RHOA: variants seen among roughly 807,000 people sequenced by gnomAD.
The protein encoded by RHOA is transforming protein RhoA.
A neutral mutation model predicts 17.5 loss-of-function variants in RHOA; 3 were observed. The ratio of observed to expected loss-of-function variants is 0.17; its 90% CI spans 0.08 to 0.44. RHOA has a LOEUF of 0.44. RHOA is among the 20% of genes least tolerant of loss of function. The pLI is 0.99. For missense variants in RHOA, 56 were observed against 242.3 expected (o/e 0.23, Z 5.10); for synonymous variants, 98 against 88.4 (o/e 1.11, Z -0.61).
chr3:49,368,370 A>C, intron 3 of RHOA, 58 bp downstream of exon 3: 1 of 1,583,586 alleles, frequency 6.3e-7, no homozygotes, highest in Non-Finnish European at 8.6e-7. Context: ...ATGCCCAGAA[A>C]CCAGATGCCA....
chr3:49,405,424 TC>T (rs2048816686), intron 1 of RHOA, among the ~76,000 whole-genome samples: 1 of 151,846 alleles, frequency 6.6e-6, no homozygotes, highest in Admixed American at 6.6e-5. Context: ...AGAGCAAAAC[TC>T]CATCTCAAAA....
Position 49,359,994 on chromosome 3 carries a change from G to C in RHOA, c.*215C>G, listed in dbSNP as rs2047934746. ...GTGTCAGGTGGGAGTGCAGAGGAGG[G>C]CTGTTAGAGCAGTGTCAAAAGGACC... On this transcript the variant is annotated 3_prime_UTR_variant, in exon 5 of 5. Coordinates refer to ENST00000418115, the MANE Select transcript of RHOA (RefSeq NM_001664.4). 2 of 481,558 alleles carry C rather than the reference G, an allele frequency of 4.2e-6. No individual in the cohort carries two copies. Among genetic ancestry groups the C allele is most frequent in the Non-Finnish European group, 7.3e-6 (2 of 274,980 alleles). The allele number at this position is 481,558 out of a possible 1,614,324, so 29.8% of individuals were successfully genotyped here.
rs2107900666 is a variant in RHOA, at chr3:49,401,153, T to C, written c.-3+10667A>G. On this transcript the variant is annotated intron_variant, in intron 1 of 4. Coordinates refer to ENST00000418115, the MANE Select transcript of RHOA (RefSeq NM_001664.4). ...GGCCTTCAAATTTACTTCCTCTAAG[T>C]TACTACCCTTCTTTTCTGAATTGAC... 2.0e-5 allele frequency among the ~76,000 whole-genome samples: 3 copies of C among 152,108 alleles called. No individual in the cohort carries two copies. The South Asian group carries it at 6.2e-4, about 32-fold the overall frequency.
At chr3:49,381,333 A>G (rs1044865977) in intron 1 of RHOA, among the ~76,000 whole-genome samples, 1 of 151,592 alleles carries the variant, frequency 6.6e-6, no homozygotes, top group African/African-American at 2.4e-5. Context: ...TGAACTCAGG[A>G]GGCAGAGGCT....
At chr3:49,372,101 T>C (rs139505677) in intron 2 of RHOA, among the ~76,000 whole-genome samples, 28 of 152,354 alleles carry the variant, frequency 1.8e-4, no homozygotes, top group African/African-American at 5.8e-4. Flanking sequence ...GATCTTTCTA[T>C]GTATGGTGCA....
Position 49,360,046 on chromosome 3 carries a change from G to GTTTA in RHOA, c.*162_*163insTAAA. On this transcript the variant is annotated 3_prime_UTR_variant, in exon 5 of 5. Coordinates refer to ENST00000418115, the MANE Select transcript of RHOA (RefSeq NM_001664.4). ...TGGTGGGCCAGACGGGTTGGACATC[G>GTTTA]TTAATAATCATAGTTGGCTTCTAAA... 2.5e-6 allele frequency: 2 copies of GTTTA among 813,210 alleles called. No individual in the cohort carries two copies. The highest frequency in any genetic ancestry group is 3.7e-6 in the Non-Finnish European group (2 of 543,180). 50.4% of individuals were successfully genotyped at this position (813,210 alleles called of 1,614,324 possible).
chr3:49,373,822 G>C (rs897122595), intron 2 of RHOA, among the ~76,000 whole-genome samples: 4 of 149,992 alleles, frequency 2.7e-5, no homozygotes, highest in African/African-American at 9.8e-5. Context: ...AAAAAAAAAA[G>C]TATGAGAGGC....
intron 1 of RHOA, among the ~76,000 whole-genome samples, chr3:49,398,239 T>C (rs2048652340): frequency 6.6e-6 from 1 of 151,878 alleles, no homozygotes; most frequent in African/African-American, 2.4e-5. Flanking sequence ...TGGTCCCATC[T>C]ACTCAGGAGG....
At chr3:49,383,077 G>GCT in intron 1 of RHOA, among the ~76,000 whole-genome samples, 1 of 150,890 alleles carries the variant, frequency 6.6e-6, no homozygotes, top group Admixed American at 6.6e-5. Context: ...AAAAGAAAAA[G>GCT]AAAAAGAAAA....
intron 1 of RHOA, among the ~76,000 whole-genome samples, chr3:49,397,428 C>T (rs2048635545): frequency 6.6e-6 from 1 of 151,962 alleles, no homozygotes; most frequent in Admixed American, 6.6e-5. Flanking sequence ...ATACTAAAAC[C>T]CACCAAACTG....
At chr3:49,376,727 G>A (rs945747667) in intron 1 of RHOA, among the ~76,000 whole-genome samples, 1 of 152,030 alleles carries the variant, frequency 6.6e-6, no homozygotes, top group Non-Finnish European at 1.5e-5. Context: ...AGTACCCAAG[G>A]GAGGAAAGAA....
chr3:49,399,938 C>T lies in RHOA; in HGVS notation c.-3+11882G>A, dbSNP rs112132803. ...ATCTGAACTCAAGAAACTACAGAAA[C>T]GGCTGGGCACGGTGGCTCACGCCTG... On this transcript the variant is annotated intron_variant, in intron 1 of 4. Coordinates refer to ENST00000418115, the MANE Select transcript of RHOA (RefSeq NM_001664.4). 6.9e-4 allele frequency among the ~76,000 whole-genome samples: 105 copies of T among 151,952 alleles called. 1 individual carries two copies. The highest frequency in any genetic ancestry group is 2.4e-3 in the African/African-American group (100 of 41,456).
chr3:49,368,136 T>A (rs1018838535), intron 3 of RHOA, among the ~76,000 whole-genome samples: 2 of 152,002 alleles, frequency 1.3e-5, no homozygotes, highest in African/African-American at 4.8e-5. Context: ...GGTCTTGAAC[T>A]CCTGACCCTC....
At chr3:49,368,831 C>G (rs556241225) in intron 2 of RHOA, among the ~76,000 whole-genome samples, 1 of 150,972 alleles carries the variant, frequency 6.6e-6, no homozygotes, top group Admixed American at 6.6e-5. Flanking sequence ...CCTTGGCCTC[C>G]CAAGTAGCTG....
At chr3:49,366,863 A>G (rs2048064807) in intron 3 of RHOA, 1 of 152,116 alleles carries the variant, frequency 6.6e-6, no homozygotes, top group African/African-American at 2.4e-5. Context: ...GCAGACCCTC[A>G]AAGGCTGTTT....
At chr3:49,390,105 A>C (rs1281196978) in intron 1 of RHOA, among the ~76,000 whole-genome samples, 1 of 151,926 alleles carries the variant, frequency 6.6e-6, no homozygotes, top group Non-Finnish European at 1.5e-5. Context: ...GACTGTGAGA[A>C]GCAAATAGCT....
intron 1 of RHOA, among the ~76,000 whole-genome samples, chr3:49,389,581 C>T (rs1435950417): frequency 6.6e-6 from 1 of 152,192 alleles, no homozygotes; most frequent in Non-Finnish European, 1.5e-5. Context: ...TTACTTCTTA[C>T]AGCAGTGAAC....
At position 49,376,937 on chromosome 3, in the gene RHOA, T is replaced by G. The variant is rs567805590; in HGVS notation, c.-2-1346A>C. 4.6e-5 allele frequency among the ~76,000 whole-genome samples: 7 copies of G among 151,892 alleles called. No homozygotes were observed. In the South Asian group the frequency reaches 1.5e-3, roughly 32 times the overall value. On this transcript the variant is annotated intron_variant, in intron 1 of 4. Coordinates refer to ENST00000418115, the MANE Select transcript of RHOA (RefSeq NM_001664.4). ...TGAGGTCAGGAGTTTGAGACCAGCC[T>G]GGCCAACATGGAGAAACCCCATCTC...
At position 49,380,481 on chromosome 3, in the gene RHOA, G is replaced by A. The variant is rs537572966; in HGVS notation, c.-2-4890C>T. ...CCAGCACACTGGGAGGCCGAGGCGG[G>A]CAGATCACGAGGTCAGGAGTTTGAG... On this transcript the variant is annotated intron_variant, in intron 1 of 4. Coordinates refer to ENST00000418115, the MANE Select transcript of RHOA (RefSeq NM_001664.4). Among the ~76,000 whole-genome samples the A allele has an allele frequency of 2.6e-5, 4 of 152,036 alleles. No homozygotes were observed. In the South Asian group the frequency reaches 8.3e-4, roughly 32 times the overall value.
Sources: gnomAD v4.1 joint callset for allele counts (sites outside exome capture counted in the v4.1 genomes callset) on GRCh38, gnomAD v4.1.1 for gene constraint, MANE v1.5 for transcripts, NCBI Gene and HGNC (gene_info 2026-07-23, HGNC 2026-07-21) for gene names.